The following CFAP20DC variants were observed in gnomAD, a reference collection of about 807,000 sequenced individuals.
CFAP20DC encodes the protein protein CFAP20DC.
CFAP20DC carries 84 observed loss-of-function variants against 101.7 expected under a neutral mutation model. The observed-to-expected ratio is 0.83, with a 90% CI of 0.69 to 0.99. The LOEUF (loss-of-function observed/expected upper bound fraction) is 0.99. CFAP20DC is among the 50% of genes least tolerant of loss of function. The pLI, the probability that CFAP20DC is intolerant of heterozygous loss-of-function variation, is 0.00. For missense variants in CFAP20DC, 1,007 were observed against 970.3 expected, an observed-to-expected ratio of 1.04 and a Z score of -0.50; for synonymous variants, 359 against 351.2, an observed-to-expected ratio of 1.02 and a Z score of -0.25.
chr3:58,772,514 T>C (rs1008151130), intron 15 of CFAP20DC, among the ~76,000 whole-genome samples: 8 of 152,178 alleles, frequency 5.3e-5, no homozygotes, highest in African/African-American at 1.9e-4. Context: ...AGAGTGTAAA[T>C]TGGTGAACAG....
At chr3:58,906,841 T>C (rs2083639063) in intron 6 of CFAP20DC, among the ~76,000 whole-genome samples, 1 of 152,016 alleles carries the variant, frequency 6.6e-6, no homozygotes, top group South Asian at 2.1e-4. Context: ...GGCAGGAGGA[T>C]AGCTTGAGCC....
At chr3:58,778,967 T>C (rs2071588070) in intron 15 of CFAP20DC, among the ~76,000 whole-genome samples, 1 of 152,120 alleles carries the variant, frequency 6.6e-6, no homozygotes, top group Admixed American at 6.5e-5. Flanking sequence ...AGGAAAAATT[T>C]CTCCCCAATA....
intron 14 of CFAP20DC, among the ~76,000 whole-genome samples, chr3:58,826,666 TATTG>T (rs1190051382): frequency 1.3e-5 from 2 of 152,192 alleles, no homozygotes; most frequent in African/African-American, 4.8e-5. Flanking sequence ...TTAAAAATAT[TATTG>T]ATTGATTCAT....
rs1361303641 is a variant in CFAP20DC, at chr3:58,722,282, C to T, written c.198-4654G>A. 6.6e-6 allele frequency among the ~76,000 whole-genome samples: 1 copy of T among 152,162 alleles called. No homozygotes were observed. The highest frequency in any genetic ancestry group is 1.5e-5 in the Non-Finnish European group (1 of 68,038). On this transcript the variant is annotated intron_variant, in intron 3 of 3. Coordinates refer to the CFAP20DC transcript ENST00000486145. The surrounding 1 kb of genome is among the most constrained non-coding windows in gnomAD (Gnocchi z 4.5). ...CCCTTTGAGCCTTTCCAGCTGAGGT[C>T]CCAGATATCATGAAGCTGAGTTAAG...
At chr3:59,008,619 C>A (rs915160059) in intron 4 of CFAP20DC, among the ~76,000 whole-genome samples, 1 of 151,676 alleles carries the variant, frequency 6.6e-6, no homozygotes, top group Non-Finnish European at 1.5e-5. Context: ...GACAAAAAAC[C>A]AAACACAGCA....
At position 58,869,498 on chromosome 3, in the gene CFAP20DC, G is replaced by C; in HGVS notation, c.853-8C>G. The C allele has an allele frequency of 6.3e-7, 1 of 1,590,470 alleles. No individual in the cohort carries two copies. Among genetic ancestry groups the C allele is most frequent in the Non-Finnish European group, 8.6e-7 (1 of 1,169,152 alleles). On this transcript the variant is annotated splice_polypyrimidine_tract_variant and splice_region_variant and intron_variant, in intron 8 of 16. Transcript: ENST00000482387. The surrounding 1 kb of genome is among the most constrained non-coding windows in gnomAD (Gnocchi z 4.3). Reference sequence around the variant, plus strand: ...CCCAACGGATCTCACTGTCTGTAAAGGAATTAATCTGTACATTTTAAAATA... The same window carrying C: ...CCCAACGGATCTCACTGTCTGTAAACGAATTAATCTGTACATTTTAAAATA...
At chr3:58,907,900 T>C (rs372782447) in intron 6 of CFAP20DC, among the ~76,000 whole-genome samples, 208 of 152,334 alleles carry the variant, frequency 1.4e-3, no homozygotes, top group African/African-American at 4.7e-3. Context: ...TGCTTCCCCG[T>C]GTCTATTCAG....
chr3:58,890,570 C>CA (rs2082118545), intron 6 of CFAP20DC, among the ~76,000 whole-genome samples: 1 of 150,042 alleles, frequency 6.7e-6, no homozygotes. Flanking sequence ...GGGGGCTGAC[C>CA]CCCCCACCTC....
In CFAP20DC at chr3:58,729,252, C is replaced by T. The variant is rs1207585559; in HGVS notation, c.198-11624G>A. Among the ~76,000 whole-genome samples, 3 of 152,092 alleles carry T rather than the reference C, an allele frequency of 2.0e-5. No homozygotes were observed. The highest frequency in any genetic ancestry group is 4.4e-5 in the Non-Finnish European group (3 of 68,004). Reference sequence around the variant, plus strand: ...AGACAACTAATATAATATTTTAATTCGTATCAATAAATGTTTCATAATTTT... The same window carrying T: ...AGACAACTAATATAATATTTTAATTTGTATCAATAAATGTTTCATAATTTT... On this transcript the variant is annotated intron_variant, in intron 3 of 3. Transcript: ENST00000486145. This position sits in a 1 kb window ranked among gnomAD's most constrained non-coding sequence, Gnocchi z 4.4.
chr3:58,852,560 C>A (rs973272224), intron 12 of CFAP20DC, among the ~76,000 whole-genome samples: 33 of 151,798 alleles, frequency 2.2e-4, no homozygotes, highest in Admixed American at 5.3e-4. Flanking sequence ...CACACCTATT[C>A]CAAAATTGAC....
At chr3:58,801,470 T>G (rs987439005) in intron 15 of CFAP20DC, among the ~76,000 whole-genome samples, 1 of 152,166 alleles carries the variant, frequency 6.6e-6, no homozygotes, top group East Asian at 1.9e-4. Flanking sequence ...TTACTTGTTT[T>G]AAAATGAGCG....
At position 58,863,649 on chromosome 3, in the gene CFAP20DC, G is replaced by C; in HGVS notation, c.1502C>G (p.Ser501Ter). The C allele has an allele frequency of 6.2e-7, 1 of 1,614,138 alleles. No homozygotes were observed. Residue 501 changes from serine (S) to a stop codon, truncating the protein, a stop_gained, in exon 12 of 17, where the codon TCA becomes TGA. Transcript: ENST00000482387. LOFTEE classifies it high-confidence loss of function. This position sits in a 1 kb window ranked among gnomAD's most constrained non-coding sequence, Gnocchi z 5.9. The part of the protein sequence containing the change: ...KTQTMSPEEL[S>*]FILDLKEDNS... ...ATCCTCTTTTAGATCCAAAATAAAT[G>C]AGAGCTCCTCTGGGGACATAGTCTG...
chr3:59,029,400 A>T (rs2093948836), intron 4 of CFAP20DC, among the ~76,000 whole-genome samples: 2 of 152,182 alleles, frequency 1.3e-5, no homozygotes, highest in Non-Finnish European at 2.9e-5. Context: ...GTTGGCGGAA[A>T]ATCATAAAAG....
chr3:58,941,114 A>T (rs1231530047), intron 4 of CFAP20DC, among the ~76,000 whole-genome samples: 1 of 152,012 alleles, frequency 6.6e-6, no homozygotes, highest in African/African-American at 2.4e-5. Context: ...GTGGATCACG[A>T]GGTCAAGAGA....
intron 12 of CFAP20DC, among the ~76,000 whole-genome samples, chr3:58,852,720 G>T (rs902487106): frequency 1.3e-5 from 2 of 151,044 alleles, no homozygotes; most frequent in African/African-American, 4.9e-5. Context: ...TGAACAACCT[G>T]CTCCTGAATG....
chr3:58,807,311 A>G (rs2074170735), intron 14 of CFAP20DC, among the ~76,000 whole-genome samples: 1 of 151,856 alleles, frequency 6.6e-6, no homozygotes, highest in Admixed American at 6.6e-5. Flanking sequence ...ACTGGGAGGC[A>G]CCCCCCAGTA....
rs1349867681 is a variant in CFAP20DC, at chr3:58,742,423, A to G, written c.*37T>C. ...CGACCCTGAACTGCTATTCTGCTCC[A>G]GCTGGGAGTGCCTGCTCTCTGCCCC... On this transcript the variant is annotated 3_prime_UTR_variant, in exon 17 of 17. Transcript: ENST00000482387. 6.4e-7 allele frequency: 1 copy of G among 1,566,188 alleles called. No individual in the cohort carries two copies. The highest frequency in any genetic ancestry group is 8.7e-7 in the Non-Finnish European group (1 of 1,155,746).
At chr3:58,956,978 G>A (rs1157176742) in intron 4 of CFAP20DC, among the ~76,000 whole-genome samples, 1 of 152,116 alleles carries the variant, frequency 6.6e-6, no homozygotes, top group Non-Finnish European at 1.5e-5. Flanking sequence ...CACAACACAA[G>A]GGGATTATGG....
intron 13 of CFAP20DC, among the ~76,000 whole-genome samples, chr3:58,848,343 C>G (rs1318778856): frequency 1.3e-5 from 2 of 152,094 alleles, no homozygotes; most frequent in Admixed American, 6.6e-5. Flanking sequence ...CAATGCAACA[C>G]CCACAGAATA....
Sources: allele counts gnomAD v4.1 joint callset (sites outside exome capture counted in the v4.1 genomes callset), GRCh38; gene constraint gnomAD v4.1.1; non-coding constraint Gnocchi (gnomAD v3.1); transcripts MANE v1.5; gene names NCBI Gene and HGNC (gene_info 2026-07-23, HGNC 2026-07-21).